The following RBPJ variants were observed in gnomAD, a reference collection of about 807,000 sequenced individuals.
RBPJ encodes the protein recombining binding protein suppressor of hairless.
A neutral mutation model predicts 67.8 loss-of-function variants in RBPJ; 9 were observed. That is an observed-to-expected ratio of 0.13 (90% CI 0.08 to 0.23). RBPJ has a LOEUF of 0.23. RBPJ is among the 10% of genes least tolerant of loss of function. The pLI is 1.00. For synonymous variants in RBPJ, 198 were observed against 203.3 expected (o/e 0.97, Z 0.22); for missense variants, 305 against 595.6 (o/e 0.51, Z 5.08).
At chr4:26,192,040 A>G (rs1313011682) in intron 1 of RBPJ, among the ~76,000 whole-genome samples, 8 of 143,838 alleles carry the variant, frequency 5.6e-5, no homozygotes, top group African/African-American at 1.8e-4. Flanking sequence ...GCAGAGTCTC[A>G]CTCTGTTGCC....
chr4:26,399,277 A>G (rs1732503321), intron 2 of RBPJ, among the ~76,000 whole-genome samples: 1 of 152,226 alleles, frequency 6.6e-6, no homozygotes, highest in African/African-American at 2.4e-5. Flanking sequence ...TGTCAAATTT[A>G]TGAAGAGTTT....
intron 1 of RBPJ, among the ~76,000 whole-genome samples, chr4:26,343,736 C>CT (rs1172127871): frequency 5.4e-5 from 4 of 74,496 alleles, no homozygotes; most frequent in Non-Finnish European, 8.0e-5. Flanking sequence ...TTCTTTCTTT[C>CT]TTCTTTTTTT....
chr4:26,416,723 T>C (rs1299982531), intron 4 of RBPJ, among the ~76,000 whole-genome samples: 1 of 152,208 alleles, frequency 6.6e-6, no homozygotes, highest in African/African-American at 2.4e-5. Context: ...GTTTGCTATG[T>C]TGTAGTTGGC....
At chr4:26,317,448 A>G (rs891281473), upstream of RBPJ, among the ~76,000 whole-genome samples, 1 of 152,170 alleles carries the variant, frequency 6.6e-6, no homozygotes, top group African/African-American at 2.4e-5. Context: ...GGAGGAGGTG[A>G]AGGCAGATAG....
intron 1 of RBPJ, among the ~76,000 whole-genome samples, chr4:26,244,738 C>T (rs937186804): frequency 2.0e-5 from 3 of 151,938 alleles, no homozygotes; most frequent in Non-Finnish European, 4.4e-5. Context: ...GGCAATTCTG[C>T]CTCAGCTTCC....
chr4:26,425,460 C>CA (rs112277202), intron 7 of RBPJ, among the ~76,000 whole-genome samples: 9 of 148,116 alleles, frequency 6.1e-5, no homozygotes, highest in African/African-American at 1.7e-4. Flanking sequence ...CCCGCCCCCC[C>CA]AAAAAAAAAA....
chr4:26,299,328 A>G (rs1450532288), intron 1 of RBPJ, among the ~76,000 whole-genome samples: 1 of 152,202 alleles, frequency 6.6e-6, no homozygotes, highest in Non-Finnish European at 1.5e-5. Context: ...CCCAAATTTC[A>G]TGCTTATTTT....
chr4:26,144,164 C>A, the RBPJ span, among the ~76,000 whole-genome samples: 2 of 150,620 alleles, frequency 1.3e-5, no homozygotes, highest in African/African-American at 4.9e-5. Flanking sequence ...TAGGTATAAA[C>A]AAGTTGCAAA....
chr4:26,243,191 C>T (rs1419230433), intron 1 of RBPJ, among the ~76,000 whole-genome samples: 2 of 152,080 alleles, frequency 1.3e-5, no homozygotes. Flanking sequence ...CACGCCACTG[C>T]ACTCCAGCCT....
chr4:26,260,727 A>G (rs1356096876), intron 1 of RBPJ, among the ~76,000 whole-genome samples: 1 of 152,110 alleles, frequency 6.6e-6, no homozygotes, highest in Non-Finnish European at 1.5e-5. Context: ...CTCCTTTGTA[A>G]TTCCCCTGGA....
Position 26,428,707 on chromosome 4 carries a change from T to C in RBPJ, c.748-13T>C. 1 of 1,598,892 alleles carries C rather than the reference T, an allele frequency of 6.3e-7. No homozygotes were observed. Among genetic ancestry groups the C allele is most frequent in the Non-Finnish European group, 8.5e-7 (1 of 1,171,516 alleles). On this transcript the variant is annotated splice_polypyrimidine_tract_variant and intron_variant, in intron 7 of 10. Transcript: ENST00000355476. ...GTGTGGATGACCTTTTATTTCTTAA[T>C]TGTTAAATATAGATAATTAGGAAAG...
intron 7 of RBPJ, 179 bp from the exon 8 acceptor site, chr4:26,428,541 A>G: frequency 1.9e-6 from 1 of 534,000 alleles, no homozygotes; most frequent in South Asian, 2.9e-5. Context: ...TTGCAATCTA[A>G]AAGTGTTTTT....
At chr4:26,243,161 A>C (rs1297549687) in intron 1 of RBPJ, among the ~76,000 whole-genome samples, 1 of 152,142 alleles carries the variant, frequency 6.6e-6, no homozygotes, top group Non-Finnish European at 1.5e-5. Context: ...CGGGAGGCAG[A>C]GGTTGCAGTG....
the RBPJ span, among the ~76,000 whole-genome samples, chr4:26,140,806 A>G: frequency 6.9e-6 from 1 of 145,930 alleles, no homozygotes; most frequent in Non-Finnish European, 1.5e-5. Flanking sequence ...TGGATGCCCG[A>G]GCCCAATCTG....
At chr4:26,118,761 C>T in the RBPJ span, among the ~76,000 whole-genome samples, 2 of 152,172 alleles carry the variant, frequency 1.3e-5, no homozygotes, top group Non-Finnish European at 2.9e-5. Context: ...CAATTTTTCT[C>T]ATCTCACAAA....
chr4:26,283,371 C>T (rs1721346116), intron 1 of RBPJ, among the ~76,000 whole-genome samples: 1 of 151,578 alleles, frequency 6.6e-6, no homozygotes, highest in South Asian at 2.1e-4. Flanking sequence ...ATGGCCAAAC[C>T]CCGTCTCTAC....
intron 1 of RBPJ, among the ~76,000 whole-genome samples, chr4:26,225,729 C>A (rs900978321): frequency 6.6e-6 from 1 of 151,650 alleles, no homozygotes; most frequent in African/African-American, 2.4e-5. Flanking sequence ...AGTTTCTGCT[C>A]AATTTTTCTG....
intron 1 of RBPJ, among the ~76,000 whole-genome samples, chr4:26,265,344 C>T (rs1720669828): frequency 6.6e-6 from 1 of 151,890 alleles, no homozygotes. Context: ...GCCTGACCAA[C>T]ATGATGAAAC....
intron 1 of RBPJ, among the ~76,000 whole-genome samples, chr4:26,270,375 AAG>A (rs1404599043): frequency 2.4e-5 from 1 of 41,654 alleles, no homozygotes; most frequent in African/African-American, 7.8e-5. Flanking sequence ...GAAAGAAAGA[AAG>A]AAAGAAAGAA....
Sources: gnomAD v4.1 joint callset for allele counts (sites outside exome capture counted in the v4.1 genomes callset) on GRCh38, gnomAD v4.1.1 for gene constraint, MANE v1.5 for transcripts, NCBI Gene and HGNC (gene_info 2026-07-23, HGNC 2026-07-21) for gene names.